The following LINGO2 variants were observed in gnomAD, a reference collection of about 807,000 sequenced individuals.
The protein encoded by LINGO2 is leucine-rich repeat and immunoglobulin-like domain-containing nogo receptor-interacting protein 2.
In LINGO2, 14 loss-of-function variants were observed where a neutral mutation model predicts 30.6. The observed-to-expected ratio is 0.46, with a 90% CI of 0.30 to 0.72. The LOEUF (loss-of-function observed/expected upper bound fraction) is 0.72, where lower values mean the gene tolerates loss of function less well. LINGO2 is among the 30% of genes least tolerant of loss of function. The pLI, the probability that LINGO2 is intolerant of heterozygous loss-of-function variation, is 0.07. For missense variants in LINGO2, 729 were observed against 751.7 expected (o/e 0.97, Z 0.35); for synonymous variants, 317 against 288.5 (o/e 1.10, Z -1.00).
At chr9:28,679,496 T>C in the LINGO2 span, among the ~76,000 whole-genome samples, 3 of 152,062 alleles carry the variant, frequency 2.0e-5, no homozygotes, top group African/African-American at 7.2e-5. Context: ...TCCAGATACC[T>C]AGAGTTCCTA....
At chr9:29,156,672 T>C in the LINGO2 span, among the ~76,000 whole-genome samples, 1 of 152,080 alleles carries the variant, frequency 6.6e-6, no homozygotes, top group African/African-American at 2.4e-5. Flanking sequence ...GAAGGTAACA[T>C]TTCATTACTA....
intron 1 of LINGO2, among the ~76,000 whole-genome samples, chr9:28,650,719 C>T (rs756555863): frequency 7.9e-5 from 12 of 152,228 alleles, no homozygotes; most frequent in Non-Finnish European, 1.3e-4. Flanking sequence ...TCTCTACATT[C>T]TCAACAAACA....
At chr9:28,526,960 A>G (rs2135417001) in intron 1 of LINGO2, among the ~76,000 whole-genome samples, 1 of 152,322 alleles carries the variant, frequency 6.6e-6, no homozygotes, top group African/African-American at 2.4e-5. Context: ...AGTTTAAAGA[A>G]TGAGCCATCT....
the LINGO2 span, among the ~76,000 whole-genome samples, chr9:29,193,295 A>G: frequency 6.6e-6 from 1 of 151,976 alleles, no homozygotes; most frequent in African/African-American, 2.4e-5. Context: ...AGTCTAATTT[A>G]TTTCCCTACT....
rs149521434 is a variant in LINGO2, at chr9:28,109,319, C to T, written c.-86-96914G>A. The stretch of plus-strand genomic sequence containing the variant: ...GACTGGACAAAAGCTGGAAGCATTC[C>T]CTTTGAAAACCAGCCAAGACAAGGA... On this transcript the variant is annotated intron_variant, in intron 4 of 5. Transcript: ENST00000379992. Among the ~76,000 whole-genome samples the T allele has an allele frequency of 3.7e-3, 568 of 152,214 alleles. 1 individual carries two copies. The highest frequency in any genetic ancestry group is 0.024 in the Middle Eastern group (7 of 294).
intron 4 of LINGO2, among the ~76,000 whole-genome samples, chr9:28,120,180 G>A (rs1439540869): frequency 2.6e-5 from 4 of 152,210 alleles, no homozygotes; most frequent in South Asian, 2.1e-4. Flanking sequence ...TAAAAGCCTC[G>A]GCTGCTATCC....
chr9:28,436,558 C>T (rs979221082), intron 2 of LINGO2, among the ~76,000 whole-genome samples: 2 of 151,850 alleles, frequency 1.3e-5, no homozygotes, highest in South Asian at 2.1e-4. Flanking sequence ...CCCGGGTTCA[C>T]GCCATTCTCC....
At chr9:28,440,090 C>T (rs548660437) in intron 2 of LINGO2, among the ~76,000 whole-genome samples, 160 of 151,230 alleles carry the variant, frequency 1.1e-3, no homozygotes, top group Non-Finnish European at 1.9e-3. Flanking sequence ...TAACTTAATA[C>T]CTTGTTTTTA....
At chr9:28,807,524 C>A in the LINGO2 span, among the ~76,000 whole-genome samples, 2 of 152,088 alleles carry the variant, frequency 1.3e-5, no homozygotes, top group Admixed American at 6.5e-5. Context: ...TTTGGTAGAC[C>A]AATTTCTACC....
intron 1 of LINGO2, among the ~76,000 whole-genome samples, chr9:28,643,674 C>T (rs1179375398): frequency 6.6e-6 from 1 of 151,836 alleles, no homozygotes; most frequent in Non-Finnish European, 1.5e-5. Flanking sequence ...AGGAAAATAA[C>T]TGGACAAATG....
chr9:27,949,731 G>A lies in LINGO2; in HGVS notation c.941C>T (p.Pro314Leu). Reference sequence around the variant, plus strand: ...GAAGCGGAGCCCTTGGAAGGAGTGAGGCTCAATGGTGCGAAGCTGGGCCCC... The same window carrying A: ...GAAGCGGAGCCCTTGGAAGGAGTGAAGCTCAATGGTGCGAAGCTGGGCCCC... The change falls in exon 6 of 6, where the codon CCT becomes CTT. Residue 314 changes from proline (P) to leucine (L), a missense_variant. Transcript: ENST00000379992. 1 of 1,614,148 alleles carries A rather than the reference G, an allele frequency of 6.2e-7. No individual in the cohort carries two copies. The highest frequency in any genetic ancestry group is 8.5e-7 in the Non-Finnish European group (1 of 1,180,006).
the LINGO2 span, among the ~76,000 whole-genome samples, chr9:29,175,762 T>A: frequency 6.6e-6 from 1 of 152,044 alleles, no homozygotes; most frequent in Admixed American, 6.6e-5. Context: ...CCTGACCTCG[T>A]GATCCACCCA....
At chr9:28,000,538 T>C (rs1821895943) in intron 5 of LINGO2, among the ~76,000 whole-genome samples, 2 of 152,240 alleles carry the variant, frequency 1.3e-5, no homozygotes, top group Non-Finnish European at 2.9e-5. Flanking sequence ...GACTTTTACA[T>C]GGTTCCATGC....
intron 4 of LINGO2, among the ~76,000 whole-genome samples, chr9:28,282,471 T>C (rs1325140169): frequency 6.6e-6 from 1 of 152,058 alleles, no homozygotes; most frequent in African/African-American, 2.4e-5. Flanking sequence ...GTTTAAGAAT[T>C]CTATTTGATG....
chr9:28,590,315 TA>T (rs1335503900), intron 1 of LINGO2, among the ~76,000 whole-genome samples: 3 of 151,924 alleles, frequency 2.0e-5, no homozygotes, highest in Admixed American at 6.6e-5. Context: ...GGGATCTAAT[TA>T]AACTAAAGAG....
chr9:28,637,495 G>C (rs1020895409), intron 1 of LINGO2, among the ~76,000 whole-genome samples: 24 of 151,796 alleles, frequency 1.6e-4, no homozygotes, highest in Non-Finnish European at 3.2e-4. Context: ...CTTTTATTTC[G>C]TTGAGCAGTG....
chr9:28,389,512 A>G (rs975459129), intron 2 of LINGO2, among the ~76,000 whole-genome samples: 3 of 152,170 alleles, frequency 2.0e-5, no homozygotes, highest in Admixed American at 6.5e-5. Context: ...ATAAATGTTG[A>G]CAACCATGCA....
the LINGO2 span, among the ~76,000 whole-genome samples, chr9:28,880,918 T>C: frequency 6.6e-6 from 1 of 152,136 alleles, no homozygotes; most frequent in Non-Finnish European, 1.5e-5. Context: ...CATAGTACCT[T>C]CCCTTGAACT....
At chr9:28,343,079 T>C (rs1170716198) in intron 3 of LINGO2, among the ~76,000 whole-genome samples, 1 of 152,116 alleles carries the variant, frequency 6.6e-6, no homozygotes, top group Non-Finnish European at 1.5e-5. Flanking sequence ...ATAAAGCATA[T>C]GACAATCACC....
Sources: gnomAD v4.1 joint callset for allele counts (sites outside exome capture counted in the v4.1 genomes callset) on GRCh38, gnomAD v4.1.1 for gene constraint, MANE v1.5 for transcripts, NCBI Gene and HGNC (gene_info 2026-07-23, HGNC 2026-07-21) for gene names.